Variants in RNF125 observed in about 807,000 individuals in gnomAD.
The protein encoded by RNF125 is ring finger protein 125.
Under a neutral mutation model 26.0 loss-of-function variants are expected in RNF125, and 21 were observed. The ratio of observed to expected loss-of-function variants is 0.81; its 90% CI spans 0.57 to 1.16. The LOEUF is 1.16. Among genes scored for constraint, RNF125 ranks in the 50% most tolerant of loss-of-function variants. The pLI is 0.00. For missense variants in RNF125, 270 were observed against 299.4 expected, an observed-to-expected ratio of 0.90 and a Z score of 0.72; for synonymous variants, 95 against 109.2, an observed-to-expected ratio of 0.87 and a Z score of 0.81.
chr18:32,061,105 A>G (rs950843653), intron 4 of RNF125, among the ~76,000 whole-genome samples: 3 of 152,118 alleles, frequency 2.0e-5, no homozygotes, highest in African/African-American at 7.2e-5. Flanking sequence ...GCTCACTGCA[A>G]GCTCCGCCTC....
At chr18:32,051,046 G>A (rs985586938) in intron 4 of RNF125, among the ~76,000 whole-genome samples, 4 of 151,520 alleles carry the variant, frequency 2.6e-5, no homozygotes, top group African/African-American at 9.7e-5. Context: ...TCTTTCACTG[G>A]TTGGCTCTTA....
chr18:32,045,557 G>A lies in RNF125; in HGVS notation c.414-85G>A, dbSNP rs2039261072. On this transcript the variant is annotated intron_variant, in intron 3 of 5. Transcript: ENST00000217740. ...GCCTGGGCCACAGAGCAAGACTCTT[G>A]TCTCAAAAAAAAAAAGAAAAAAAAA... is the stretch of plus-strand genomic sequence containing the variant. The A allele has an allele frequency of 6.2e-6, 5 of 812,844 alleles. 1 individual carries two copies. Among genetic ancestry groups the A allele is most frequent in the South Asian group, 4.9e-5 (3 of 60,822 alleles). The allele number at this position is 812,844 out of a possible 1,614,324, so 50.4% of individuals were successfully genotyped here.
At chr18:32,081,670 T>C in the RNF125 span, among the ~76,000 whole-genome samples, 33 of 152,250 alleles carry the variant, frequency 2.2e-4, no homozygotes, top group African/African-American at 8.0e-4. Context: ...AACTTAAACA[T>C]AGGAATTGGG....
Position 32,069,252 on chromosome 18 carries a change from G to A in RNF125, c.*868G>A, listed in dbSNP as rs1026388416. On this transcript the variant is annotated 3_prime_UTR_variant, in exon 6 of 6. Transcript: ENST00000217740. ...TAACCAAATTGTCTTACATAATACT[G>A]TAACAAAACAAATTTTGTGTTAGAA... The A allele has an allele frequency of 6.0e-5, 9 of 149,106 alleles. No individual in the cohort carries two copies. The highest frequency in any genetic ancestry group is 1.0e-4 in the Non-Finnish European group (7 of 67,536). 9.2% of individuals were successfully genotyped at this position (149,106 alleles called of 1,614,324 possible). A position where few individuals can be genotyped will look rare whatever the true frequency, so the allele number is the denominator to read the frequency against.
At chr18:32,030,025 A>G (rs935070964) in intron 1 of RNF125, among the ~76,000 whole-genome samples, 13 of 152,062 alleles carry the variant, frequency 8.5e-5, no homozygotes, top group African/African-American at 2.7e-4. Flanking sequence ...GAATGTACCT[A>G]ATTTTTATTT....
At chr18:32,033,593 T>C (rs964711472) in intron 1 of RNF125, among the ~76,000 whole-genome samples, 4 of 142,536 alleles carry the variant, frequency 2.8e-5, no homozygotes, top group Non-Finnish European at 6.0e-5. Flanking sequence ...GGCCGAGGAG[T>C]GCGGATCACC....
chr18:32,073,915 T>C (rs2039552560), downstream of RNF125, among the ~76,000 whole-genome samples: 8 of 152,222 alleles, frequency 5.3e-5, no homozygotes, highest in Admixed American at 4.6e-4. Flanking sequence ...CTAATAGTTA[T>C]GTTTTTGTAT....
At chr18:32,026,904 G>C (rs2039041967) in intron 1 of RNF125, among the ~76,000 whole-genome samples, 1 of 152,166 alleles carries the variant, frequency 6.6e-6, no homozygotes, top group African/African-American at 2.4e-5. Context: ...CCCTACAACA[G>C]CTTAAAGAAA....
At chr18:32,049,222 C>T (rs1156798382) in intron 4 of RNF125, among the ~76,000 whole-genome samples, 2 of 152,150 alleles carry the variant, frequency 1.3e-5, no homozygotes, top group Admixed American at 6.5e-5. Flanking sequence ...CTGACCTAAG[C>T]AGGGAAACAA....
chr18:32,028,605 G>C (rs2039063016), intron 1 of RNF125, among the ~76,000 whole-genome samples: 1 of 135,906 alleles, frequency 7.4e-6, no homozygotes, highest in African/African-American at 2.8e-5. Flanking sequence ...TTTTTTTTGA[G>C]ATGGGGTCTC....
Position 32,068,396 on chromosome 18 carries a change from C to T in RNF125, c.*12C>T, listed in dbSNP as rs369064654. On this transcript the variant is annotated 3_prime_UTR_variant, in exon 6 of 6. Transcript: ENST00000217740. ...CGAACACCACATAATTTTATTAAAACGAAGGGAAAAGGGACCACTGAATTG... is the reference window on the plus strand; with the variant it reads ...CGAACACCACATAATTTTATTAAAATGAAGGGAAAAGGGACCACTGAATTG... 26 of 1,510,246 alleles carry T rather than the reference C, an allele frequency of 1.7e-5. No homozygotes were observed. The highest frequency in any genetic ancestry group is 6.9e-5 in the African/African-American group (5 of 72,846). The allele number at this position is 1,510,246 out of a possible 1,614,324, so 93.6% of individuals were successfully genotyped here.
At chr18:32,085,704 A>AAAAAC in the RNF125 span, among the ~76,000 whole-genome samples, 2 of 146,846 alleles carry the variant, frequency 1.4e-5, no homozygotes, top group Non-Finnish European at 3.0e-5. Flanking sequence ...ACTTATCAAA[A>AAAAAC]AAAAAAAAAA....
the RNF125 span, among the ~76,000 whole-genome samples, chr18:32,087,229 CCA>C: frequency 6.6e-6 from 1 of 151,346 alleles, no homozygotes; most frequent in Non-Finnish European, 1.5e-5. Flanking sequence ...GTTGCGGTTC[CCA>C]GAGCCCACTC....
downstream of RNF125, among the ~76,000 whole-genome samples, chr18:32,075,509 C>T (rs61392417): frequency 0.6 from 91,502 of 151,776 alleles, 28,241 homozygotes; most frequent in Admixed American, 0.72. Flanking sequence ...GCCTGACCAA[C>T]ATGGAGAAAT....
At chr18:32,082,173 T>A in the RNF125 span, among the ~76,000 whole-genome samples, 1 of 152,058 alleles carries the variant, frequency 6.6e-6, no homozygotes, top group Admixed American at 6.6e-5. Context: ...ACAAAATACA[T>A]TGGACTGGTA....
At chr18:32,053,089 G>A (rs1425112183) in intron 4 of RNF125, among the ~76,000 whole-genome samples, 1 of 152,246 alleles carries the variant, frequency 6.6e-6, no homozygotes, top group African/African-American at 2.4e-5. Context: ...TTGGCTGGGT[G>A]TGGTGGCTCA....
chr18:32,085,818 A>G, the RNF125 span, among the ~76,000 whole-genome samples: 7 of 151,512 alleles, frequency 4.6e-5, no homozygotes, highest in Non-Finnish European at 1.0e-4. Context: ...GTCAGCTGGT[A>G]AGGGAAACTG....
chr18:32,024,833 C>A (rs2039017921), intron 1 of RNF125, among the ~76,000 whole-genome samples: 1 of 152,164 alleles, frequency 6.6e-6, no homozygotes, highest in Non-Finnish European at 1.5e-5. Context: ...ATAATCCCAG[C>A]ACTTTGGGAG....
intron 4 of RNF125, among the ~76,000 whole-genome samples, chr18:32,046,064 A>G (rs1350860564): frequency 6.6e-6 from 1 of 152,020 alleles, no homozygotes; most frequent in Non-Finnish European, 1.5e-5. Context: ...TAAAAATACA[A>G]AAACTAGCTG....
Sources: gnomAD v4.1 joint callset for allele counts (sites outside exome capture counted in the v4.1 genomes callset) on GRCh38, gnomAD v4.1.1 for gene constraint, MANE v1.5 for transcripts, NCBI Gene and HGNC (gene_info 2026-07-23, HGNC 2026-07-21) for gene names.